ADAMTSL1: variants seen among roughly 807,000 people sequenced by gnomAD.
The protein encoded by ADAMTSL1 is ADAMTS like 1, also known as ADAMTS-like protein 1.
A neutral mutation model predicts 201.8 loss-of-function variants in ADAMTSL1; 126 were observed. The ratio of observed to expected loss-of-function variants is 0.62; its 90% CI spans 0.54 to 0.72. The LOEUF (loss-of-function observed/expected upper bound fraction) is 0.72, where lower values mean the gene tolerates loss of function less well. Among genes scored for constraint, ADAMTSL1 ranks in the 30% least tolerant of loss-of-function variants. The pLI, the probability that ADAMTSL1 is intolerant of heterozygous loss-of-function variation, is 0.00. For missense variants in ADAMTSL1, 2,679 were observed against 2,277.8 expected, an observed-to-expected ratio of 1.18 and a Z score of -3.59; for synonymous variants, 1,121 against 903.4, an observed-to-expected ratio of 1.24 and a Z score of -4.32.
chr9:18,552,634 A>G (rs933803043), intron 3 of ADAMTSL1, among the ~76,000 whole-genome samples: 1 of 151,744 alleles, frequency 6.6e-6, no homozygotes, highest in African/African-American at 2.4e-5. Flanking sequence ...TGATATTTAA[A>G]ATCTTCTTCT....
At chr9:18,455,432 C>G (rs1002260577) in intron 2 of ADAMTSL1, among the ~76,000 whole-genome samples, 1 of 152,086 alleles carries the variant, frequency 6.6e-6, no homozygotes, top group Non-Finnish European at 1.5e-5. Flanking sequence ...CCACTTACCC[C>G]CCAGTTTTAT....
At chr9:18,855,431 G>C (rs776103234) in intron 23 of ADAMTSL1, among the ~76,000 whole-genome samples, 1 of 152,188 alleles carries the variant, frequency 6.6e-6, no homozygotes, top group Non-Finnish European at 1.5e-5. Flanking sequence ...ACCATCTGCT[G>C]TTCTCTACCC....
chr9:18,712,250 A>T (rs1832663976), intron 14 of ADAMTSL1, among the ~76,000 whole-genome samples: 1 of 152,290 alleles, frequency 6.6e-6, no homozygotes, highest in Admixed American at 6.5e-5. Context: ...TGGACGGAGA[A>T]TGACTTTGAT....
intron 2 of ADAMTSL1, among the ~76,000 whole-genome samples, chr9:18,430,871 G>T (rs1245848701): frequency 2.6e-5 from 4 of 152,242 alleles, no homozygotes; most frequent in Admixed American, 1.3e-4. Context: ...TGGGCAGGAA[G>T]TGGGTTAGAA....
At chr9:18,729,932 T>C (rs1249835850) in intron 15 of ADAMTSL1, among the ~76,000 whole-genome samples, 1 of 152,222 alleles carries the variant, frequency 6.6e-6, no homozygotes. Context: ...ATAACTTTCT[T>C]CTGTGGATAT....
At chr9:18,435,970 A>G (rs1819713626) in intron 2 of ADAMTSL1, among the ~76,000 whole-genome samples, 1 of 152,214 alleles carries the variant, frequency 6.6e-6, no homozygotes, top group African/African-American at 2.4e-5. Flanking sequence ...GAGCCAAACC[A>G]TATCATGCAG....
intron 19 of ADAMTSL1, among the ~76,000 whole-genome samples, chr9:18,789,722 T>A (rs1413027259): frequency 1.3e-5 from 2 of 152,000 alleles, no homozygotes; most frequent in Admixed American, 6.6e-5. Flanking sequence ...CACAAGGAAA[T>A]AGAACTAGAA....
chr9:18,757,417 A>G (rs1819836503), intron 16 of ADAMTSL1, among the ~76,000 whole-genome samples: 1 of 152,140 alleles, frequency 6.6e-6, no homozygotes, highest in Non-Finnish European at 1.5e-5. Flanking sequence ...AATCACTGTT[A>G]CCTATACCAC....
At chr9:18,634,725 C>G (rs568421009) in intron 5 of ADAMTSL1, among the ~76,000 whole-genome samples, 1 of 151,042 alleles carries the variant, frequency 6.6e-6, no homozygotes, top group South Asian at 2.1e-4. Context: ...ATAATCCCAG[C>G]TACTTGGGAG....
intron 2 of ADAMTSL1, among the ~76,000 whole-genome samples, chr9:18,358,643 C>G (rs1156941917): frequency 6.6e-6 from 1 of 152,170 alleles, no homozygotes; most frequent in East Asian, 1.9e-4. Flanking sequence ...CCTTTTGTGT[C>G]TGGCTTTTTA....
At chr9:18,302,557 C>T (rs139043772) in intron 2 of ADAMTSL1, among the ~76,000 whole-genome samples, 22 of 152,250 alleles carry the variant, frequency 1.4e-4, no homozygotes, top group Admixed American at 2.6e-4. Context: ...ACTCAAAATG[C>T]TCTGGTGCCA....
In ADAMTSL1 at chr9:18,712,224, A is replaced by C. The variant is rs1295243173; in HGVS notation, c.1876+5176A>C. ...CTCCAAAGGATCACAGTTCCTCACCAGCAACGGAACAAAGCTGGACGGAGA... is the reference window on the plus strand; with the variant it reads ...CTCCAAAGGATCACAGTTCCTCACCCGCAACGGAACAAAGCTGGACGGAGA... On this transcript the variant is annotated intron_variant, in intron 14 of 28. Transcript: ENST00000380548. 2.0e-5 allele frequency among the ~76,000 whole-genome samples: 3 copies of C among 152,280 alleles called. No individual in the cohort carries two copies. The South Asian group carries it at 6.2e-4, about 31-fold the overall frequency.
At chr9:18,543,630 A>G (rs1397567716) in intron 3 of ADAMTSL1, among the ~76,000 whole-genome samples, 1 of 152,226 alleles carries the variant, frequency 6.6e-6, no homozygotes, top group Non-Finnish European at 1.5e-5. Context: ...AAATATTTGC[A>G]GCAATTACTC....
At chr9:18,394,564 A>G (rs1587064188) in intron 2 of ADAMTSL1, among the ~76,000 whole-genome samples, 1 of 152,242 alleles carries the variant, frequency 6.6e-6, no homozygotes, top group Admixed American at 6.5e-5. Context: ...TTGTGCTTTC[A>G]ACTTATCACA....
intron 1 of ADAMTSL1, among the ~76,000 whole-genome samples, chr9:17,983,185 C>G (rs1818791025): frequency 2.6e-5 from 4 of 151,682 alleles, no homozygotes; most frequent in Admixed American, 2.6e-4. Context: ...ATTCTCCTGC[C>G]TCAGCCTCCC....
intron 2 of ADAMTSL1, among the ~76,000 whole-genome samples, chr9:18,323,575 T>C (rs1834711337): frequency 6.6e-6 from 1 of 152,136 alleles, no homozygotes; most frequent in Non-Finnish European, 1.5e-5. Context: ...AGCCAAACTC[T>C]CTTTATTGAC....
chr9:18,326,724 A>G (rs1017290634), intron 2 of ADAMTSL1, among the ~76,000 whole-genome samples: 2 of 152,188 alleles, frequency 1.3e-5, no homozygotes, highest in African/African-American at 4.8e-5. Context: ...AATGCAACCT[A>G]TTGAGGCTGT....
chr9:17,943,648 C>T (rs1306411768), intron 1 of ADAMTSL1, among the ~76,000 whole-genome samples: 4 of 152,084 alleles, frequency 2.6e-5, no homozygotes, highest in Non-Finnish European at 5.9e-5. Context: ...TCTTCAGTTC[C>T]TTTCCCTGGA....
rs144491731 is a variant in ADAMTSL1, at chr9:17,946,914, A to C, written c.87+39992A>C. On this transcript the variant is annotated intron_variant, in intron 1 of 29. Coordinates refer to the ADAMTSL1 transcript ENST00000680146. ...ACTTGATTTTGAGCAGAATGCAATA[A>C]ATTCAGTGGATTTGTGTACAAAAAC... is the stretch of plus-strand genomic sequence containing the variant. Among the ~76,000 whole-genome samples the C allele has an allele frequency of 8.0e-4, 122 of 152,258 alleles. 1 individual carries two copies. Among genetic ancestry groups the C allele is most frequent in the African/African-American group, 2.9e-3 (119 of 41,564 alleles).
Sources: gnomAD v4.1 joint callset for allele counts (sites outside exome capture counted in the v4.1 genomes callset) on GRCh38, gnomAD v4.1.1 for gene constraint, MANE v1.5 for transcripts, NCBI Gene and HGNC (gene_info 2026-07-23, HGNC 2026-07-21) for gene names.